Variants in PHF3 observed in about 807,000 individuals in gnomAD.
PHF3 encodes PHD finger protein 3.
Under a neutral mutation model 178.4 loss-of-function variants are expected in PHF3, and 41 were observed. That is an observed-to-expected ratio of 0.23 (90% confidence interval 0.18 to 0.30). PHF3 has a LOEUF of 0.30. PHF3 is among the 10% of genes least tolerant of loss of function. The pLI, the probability that PHF3 is intolerant of heterozygous loss-of-function variation, is 1.00. For missense variants in PHF3, 2,346 were observed against 2,398.1 expected (o/e 0.98, Z 0.45); for synonymous variants, 842 against 800.5 (o/e 1.05, Z -0.88).
chr6:63,685,857 A>G lies in PHF3; in HGVS notation c.2135A>G (p.Tyr712Cys). Residue 712 changes from tyrosine to cysteine, a missense_variant, in exon 4 of 16, where the codon TAT becomes TGT. Tyr to Cys is a radical substitution (Grantham distance 194). Coordinates refer to ENST00000262043, the MANE Select transcript of PHF3 (RefSeq NM_001370348.2). ...SDHSSSFESK[Y>C]MWTPSKQCGF... Reference sequence around the variant, plus strand: ...CATAGCTCCTCATTTGAAAGCAAATATATGTGGACTCCCAGCAAGCAGTGT... The same window carrying G: ...CATAGCTCCTCATTTGAAAGCAAATGTATGTGGACTCCCAGCAAGCAGTGT... 2 of 1,613,514 alleles carry G rather than the reference A, an allele frequency of 1.2e-6. No homozygotes were observed. Among genetic ancestry groups the G allele is most frequent in the Non-Finnish European group, 1.7e-6 (2 of 1,180,010 alleles).
chr6:63,672,341 A>G (rs1765954777), intron 2 of PHF3, among the ~76,000 whole-genome samples: 1 of 152,246 alleles, frequency 6.6e-6, no homozygotes, highest in Non-Finnish European at 1.5e-5. Flanking sequence ...CAGAGTGTAT[A>G]CTTTATGTCA....
intron 2 of PHF3, among the ~76,000 whole-genome samples, chr6:63,647,838 G>A (rs905202672): frequency 1.3e-5 from 2 of 152,130 alleles, no homozygotes; most frequent in African/African-American, 2.4e-5. Context: ...GCCTCCCATG[G>A]AACAGTAAGG....
At chr6:63,701,017 A>G (rs2149601139) in intron 9 of PHF3, among the ~76,000 whole-genome samples, 1 of 152,264 alleles carries the variant, frequency 6.6e-6, no homozygotes, top group South Asian at 2.1e-4. Context: ...TGTAAATGAG[A>G]AGGATGGGAA....
intron 2 of PHF3, among the ~76,000 whole-genome samples, chr6:63,647,895 A>T (rs1764857654): frequency 6.6e-6 from 1 of 152,028 alleles, no homozygotes; most frequent in Admixed American, 6.6e-5. Flanking sequence ...GGTTTATGTG[A>T]TGTTGGTTTG....
At chr6:63,692,106 A>T in intron 5 of PHF3, 63 bp downstream of exon 5, 1 of 1,155,802 alleles carries the variant, frequency 8.7e-7, no homozygotes, top group South Asian at 1.7e-5. Flanking sequence ...ACTGACTGCA[A>T]TAATTTTGAA....
rs994238749 is a variant in PHF3 at position 63,680,398 on chromosome 6, A to ATT, written c.406+259_406+260dup. ...CCACTAGTAACTCTGAGCTGGTTTA[A>ATT]TTTTTTTTTTTTTTTTTTTTTTTGG... On this transcript the variant is annotated intron_variant, in intron 3 of 15. Transcript: ENST00000262043. Among the ~76,000 whole-genome samples the ATT allele has an allele frequency of 3.4e-3, 398 of 117,548 alleles. 1 individual carries two copies. Among genetic ancestry groups the ATT allele is most frequent in the African/African-American group, 8.6e-3 (273 of 31,746 alleles). 77.1% of individuals were successfully genotyped at this position (117,548 alleles called of 152,430 possible).
intron 2 of PHF3, among the ~76,000 whole-genome samples, chr6:63,658,708 TTGTGTGTGTGTGTGTGTGTGTGTGTGTG>T (rs3071174): frequency 2.8e-5 from 4 of 145,216 alleles, no homozygotes; most frequent in Non-Finnish European, 4.5e-5. Flanking sequence ...CCAATAGATT[TTGTGTGTGTGTGTGTGTGTGTGTGTGTG>T]TGTGTGTGTG....
chr6:63,671,676 C>T (rs1235258537), intron 2 of PHF3, among the ~76,000 whole-genome samples: 1 of 152,206 alleles, frequency 6.6e-6, no homozygotes. Flanking sequence ...TAAAGTAATT[C>T]ATGGTTACTA....
At position 63,714,631 on chromosome 6, in the gene PHF3, T is replaced by C. The variant is rs1768121009; in HGVS notation, c.*923T>C. On this transcript the variant is annotated 3_prime_UTR_variant, in exon 16 of 16. Transcript: ENST00000262043. ...TAAAATCTTAAATTGTAGGCTGAGATGAATTGTGTAGTTCTAAAGAGGCTA... is the reference window on the plus strand; with the variant it reads ...TAAAATCTTAAATTGTAGGCTGAGACGAATTGTGTAGTTCTAAAGAGGCTA... 1.3e-5 allele frequency: 2 copies of C among 152,282 alleles called. No homozygotes were observed. The highest frequency in any genetic ancestry group is 4.8e-5 in the African/African-American group (2 of 41,434). 9.4% of individuals were successfully genotyped at this position (152,282 alleles called of 1,614,324 possible). A position where few individuals can be genotyped will look rare whatever the true frequency, so the allele number is the denominator to read the frequency against.
chr6:63,635,917 G>A lies in PHF3; in HGVS notation c.-259G>A, dbSNP rs1353078429. The A allele has an allele frequency of 2.5e-6, 1 of 397,848 alleles. No individual in the cohort carries two copies. Among genetic ancestry groups the A allele is most frequent in the African/African-American group, 2.1e-5 (1 of 48,560 alleles). The allele number at this position is 397,848 out of a possible 1,614,324, so 24.6% of individuals were successfully genotyped here. A position where few individuals can be genotyped will look rare whatever the true frequency, so the allele number is the denominator to read the frequency against. On this transcript the variant is annotated 5_prime_UTR_variant, in exon 1 of 16. Transcript: ENST00000262043. ...ACGCGGCAAGCGACCTTCGGGCTCA[G>A]GGCGGCGGCGGCTGCAACGAGGATT...
chr6:63,651,163 T>A (rs1390513327), intron 2 of PHF3, among the ~76,000 whole-genome samples: 1 of 152,200 alleles, frequency 6.6e-6, no homozygotes, highest in East Asian at 1.9e-4. Context: ...TTTTTATGCA[T>A]GTGTACAATA....
chr6:63,639,936 G>C (rs1764502898), intron 1 of PHF3, among the ~76,000 whole-genome samples: 1 of 152,176 alleles, frequency 6.6e-6, no homozygotes, highest in African/African-American at 2.4e-5. Flanking sequence ...AAACTTTGAA[G>C]TTAACTCTTT....
chr6:63,650,711 T>C, intron 2 of PHF3, among the ~76,000 whole-genome samples: 1 of 152,214 alleles, frequency 6.6e-6, no homozygotes, highest in East Asian at 1.9e-4. Context: ...CTATGTAATA[T>C]TGGAAAAATT....
chr6:63,702,298 A>C (rs1415811057), intron 9 of PHF3: 3 of 273,746 alleles, frequency 1.1e-5, no homozygotes, highest in Non-Finnish European at 1.4e-5. Flanking sequence ...TGGTTGAGGT[A>C]CGGGGTCTAA....
Position 63,684,109 on chromosome 6 carries a change from A to G in PHF3, c.407-20A>G. On this transcript the variant is annotated intron_variant, in intron 3 of 15. Transcript: ENST00000262043. ...ACAAAATAGCTAAGTATTTTTATTT[A>G]TTTTTTCCCCCTGTGATAGAACAAG... 6.5e-7 allele frequency: 1 copy of G among 1,532,070 alleles called. No individual in the cohort carries two copies. Among genetic ancestry groups the G allele is most frequent in the South Asian group, 1.2e-5 (1 of 80,914 alleles). 94.9% of individuals were successfully genotyped at this position (1,532,070 alleles called of 1,614,324 possible).
chr6:63,716,557 A>C lies in PHF3; in HGVS notation c.*2849A>C, dbSNP rs552648064. Among the ~76,000 whole-genome samples, 7 of 152,220 alleles carry C rather than the reference A, an allele frequency of 4.6e-5. No individual in the cohort carries two copies. The highest frequency in any genetic ancestry group is 1.4e-4 in the African/African-American group (6 of 41,552). ...AATTACTACAAGTGTAGTGGCTTAA[A>C]ACCACACAAATTTATGATCTTACGG... On this transcript the variant is annotated 3_prime_UTR_variant, in exon 16 of 16. Transcript: ENST00000262043.
At chr6:63,688,942 G>T (rs1312440856) in intron 4 of PHF3, among the ~76,000 whole-genome samples, 3 of 152,092 alleles carry the variant, frequency 2.0e-5, no homozygotes, top group Non-Finnish European at 4.4e-5. Context: ...ATCATTTTAC[G>T]TATTGCAGTT....
chr6:63,682,407 C>T (rs1030400277), intron 3 of PHF3, among the ~76,000 whole-genome samples: 1 of 152,096 alleles, frequency 6.6e-6, no homozygotes, highest in South Asian at 2.1e-4. Flanking sequence ...ATGTCAAATA[C>T]TTGGTAATCA....
intron 9 of PHF3, 164 bp from the exon 10 acceptor site, chr6:63,702,344 A>G (rs1273127223): frequency 7.2e-6 from 3 of 417,256 alleles, no homozygotes; most frequent in Non-Finnish European, 1.3e-5. Flanking sequence ...TGTCTCTGGC[A>G]TATAAAAGTA....
Sources: gnomAD v4.1 joint callset for allele counts (sites outside exome capture counted in the v4.1 genomes callset) on GRCh38, gnomAD v4.1.1 for gene constraint, MANE v1.5 for transcripts, NCBI Gene and HGNC (gene_info 2026-07-23, HGNC 2026-07-21) for gene names.